Variants in TNNI3K observed in about 807,000 individuals in gnomAD.
The protein encoded by TNNI3K is serine/threonine-protein kinase TNNI3K.
Under a neutral mutation model 114.5 loss-of-function variants are expected in TNNI3K, and 140 were observed. The ratio of observed to expected loss-of-function variants is 1.22; its 90% CI spans 1.07 to 1.41. The LOEUF is 1.41. Ranked by LOEUF, TNNI3K falls within the 40% of genes most tolerant of loss-of-function variation. TNNI3K has a pLI of 0.00. For synonymous variants in TNNI3K, 347 were observed against 347.5 expected (o/e 1.00, Z 0.02); for missense variants, 1,125 against 1,007.6 (o/e 1.12, Z -1.58).
At chr1:74,493,970 G>A (rs894912502) in intron 23 of TNNI3K, among the ~76,000 whole-genome samples, 3 of 152,140 alleles carry the variant, frequency 2.0e-5, no homozygotes, top group Non-Finnish European at 2.9e-5. Context: ...TGGGAATGGG[G>A]TCATAGTTCA....
intron 21 of TNNI3K, chr1:74,471,238 T>A: frequency 2.5e-6 from 1 of 400,732 alleles, no homozygotes; most frequent in Non-Finnish European, 4.4e-6. Flanking sequence ...ATATGGGGTC[T>A]GCTTTGAGTC....
At chr1:74,305,679 G>A (rs1658589084) in intron 5 of TNNI3K, among the ~76,000 whole-genome samples, 1 of 152,150 alleles carries the variant, frequency 6.6e-6, no homozygotes, top group African/African-American at 2.4e-5. Flanking sequence ...GAAGCTTGGG[G>A]AATACCTTCT....
At chr1:74,351,891 A>G (rs1221223207) in intron 9 of TNNI3K, among the ~76,000 whole-genome samples, 15 of 151,918 alleles carry the variant, frequency 9.9e-5, no homozygotes, top group Admixed American at 9.2e-4. Context: ...CAAAGTTTTT[A>G]ACTTCTTTGT....
At chr1:74,457,244 T>G (rs968955931) in intron 20 of TNNI3K, among the ~76,000 whole-genome samples, 3 of 152,194 alleles carry the variant, frequency 2.0e-5, no homozygotes, top group African/African-American at 7.2e-5. Flanking sequence ...GATGGAGATA[T>G]TTCTATGAAT....
rs1226199375 is a variant in TNNI3K, at chr1:74,452,373, C to T, written c.2012-11068C>T. Among the ~76,000 whole-genome samples the T allele has an allele frequency of 2.0e-5, 3 of 152,168 alleles. No homozygotes were observed. The South Asian group carries it at 6.2e-4, about 32-fold the overall frequency. ...CAAGGCTCCTTTTGATTCTGTACTT[C>T]AGTGGCACTCTCGTTCTCTAGGTGG... On this transcript the variant is annotated intron_variant, in intron 20 of 24. Transcript: ENST00000326637.
intron 9 of TNNI3K, chr1:74,346,183 C>T (rs1660990166): frequency 6.6e-6 from 1 of 152,086 alleles, no homozygotes; most frequent in Admixed American, 6.6e-5. Context: ...GTCCAAGATC[C>T]TCTGGTTTGT....
chr1:74,333,989 A>G (rs537261364), intron 6 of TNNI3K, among the ~76,000 whole-genome samples: 5 of 152,194 alleles, frequency 3.3e-5, no homozygotes, highest in Admixed American at 6.5e-5. Flanking sequence ...TTAGCCAACA[A>G]AGAGATAAAA....
At chr1:74,451,277 A>T (rs982448967) in intron 20 of TNNI3K, among the ~76,000 whole-genome samples, 5 of 152,060 alleles carry the variant, frequency 3.3e-5, no homozygotes, top group African/African-American at 1.2e-4. Context: ...GCACCAGGAA[A>T]AATAGCTAAT....
At chr1:74,496,199 C>T (rs980767100) in intron 23 of TNNI3K, among the ~76,000 whole-genome samples, 2 of 152,112 alleles carry the variant, frequency 1.3e-5, no homozygotes, top group African/African-American at 2.4e-5. Flanking sequence ...ACGATGCTAA[C>T]CTGCCAGTCA....
At chr1:74,388,119 A>C (rs769290840) in intron 17 of TNNI3K, among the ~76,000 whole-genome samples, 1 of 152,068 alleles carries the variant, frequency 6.6e-6, no homozygotes, top group Non-Finnish European at 1.5e-5. Flanking sequence ...CTCTACTAGA[A>C]ACACAAAGAG....
Position 74,444,818 on chromosome 1 carries a change from G to GAA in TNNI3K, c.2011+5207_2011+5208dup, listed in dbSNP as rs202232808. On this transcript the variant is annotated intron_variant, in intron 20 of 24. Coordinates refer to ENST00000326637, the MANE Select transcript of TNNI3K (RefSeq NM_015978.3). ...CATAACCAAAACATCATGGTACTGG[G>GAA]AAAAAAAAAAAAGACACATAGACCA... is the stretch of plus-strand genomic sequence containing the variant. Among the ~76,000 whole-genome samples, 837 of 141,654 alleles carry GAA rather than the reference G, an allele frequency of 5.9e-3. 7 individuals are homozygous for GAA. The highest frequency in any genetic ancestry group is 0.02 in the African/African-American group (788 of 38,798). The allele number at this position is 141,654 out of a possible 152,430, so 92.9% of individuals were successfully genotyped here.
At chr1:74,469,011 A>C (rs918284940) in intron 21 of TNNI3K, 1 of 152,208 alleles carries the variant, frequency 6.6e-6, no homozygotes, top group Non-Finnish European at 1.5e-5. Flanking sequence ...CACTCCAAAC[A>C]ACAGTGGCAT....
chr1:74,489,101 T>C, intron 21 of TNNI3K, 88 bp from the exon 22 acceptor site: 2 of 1,075,598 alleles, frequency 1.9e-6, no homozygotes, highest in Non-Finnish European at 2.7e-6. Context: ...TCTCATTCTT[T>C]ACAAATGCTA....
At chr1:74,414,111 A>G (rs1309886556) in intron 17 of TNNI3K, among the ~76,000 whole-genome samples, 3 of 152,170 alleles carry the variant, frequency 2.0e-5, no homozygotes, top group African/African-American at 7.2e-5. Flanking sequence ...TGTGTTTATT[A>G]GTGTTGCATT....
intron 23 of TNNI3K, among the ~76,000 whole-genome samples, chr1:74,537,765 A>G (rs946112139): frequency 2.0e-5 from 3 of 152,230 alleles, no homozygotes; most frequent in Admixed American, 6.5e-5. Context: ...ATCACGTTCT[A>G]GAGGGGTATG....
chr1:74,534,563 C>T (rs1426827049), intron 23 of TNNI3K, among the ~76,000 whole-genome samples: 1 of 152,152 alleles, frequency 6.6e-6, no homozygotes, highest in African/African-American at 2.4e-5. Context: ...TGCCTGGTCC[C>T]ACCACACTAG....
intron 6 of TNNI3K, among the ~76,000 whole-genome samples, chr1:74,332,268 T>G (rs2100414922): frequency 6.6e-6 from 1 of 152,140 alleles, no homozygotes; most frequent in East Asian, 1.9e-4. Flanking sequence ...TTTCTAATTT[T>G]TCCACAACCC....
At chr1:74,445,937 C>G (rs556544978) in intron 20 of TNNI3K, among the ~76,000 whole-genome samples, 4 of 152,316 alleles carry the variant, frequency 2.6e-5, no homozygotes, top group African/African-American at 9.6e-5. Context: ...TCCAGTCTAT[C>G]ATTGTTGGAC....
rs45596842 is a variant in TNNI3K, at chr1:74,401,287, G to C, written c.1772+30895G>C. ...ATTCTGGTACTTTGTACAGTTCTTT[G>C]CAATGTTCTAAAGCTTTTTTTAATG... On this transcript the variant is annotated intron_variant, in intron 17 of 24. Transcript: ENST00000326637. Among the ~76,000 whole-genome samples, 172 of 152,178 alleles carry C rather than the reference G, an allele frequency of 1.1e-3. No individual in the cohort carries two copies. The Middle Eastern group carries it at 0.014, about 12-fold the overall frequency.
Sources: allele counts gnomAD v4.1 joint callset (sites outside exome capture counted in the v4.1 genomes callset), GRCh38; gene constraint gnomAD v4.1.1; transcripts MANE v1.5; gene names NCBI Gene and HGNC (gene_info 2026-07-23, HGNC 2026-07-21).